Variants in RPS6KC1 observed in about 807,000 individuals in gnomAD.
RPS6KC1 encodes the protein ribosomal protein S6 kinase C1, also known as inactive ribosomal protein S6 kinase delta-1.
A neutral mutation model predicts 103.8 loss-of-function variants in RPS6KC1; 54 were observed. The ratio of observed to expected loss-of-function variants is 0.52; its 90% CI spans 0.42 to 0.65. The LOEUF (loss-of-function observed/expected upper bound fraction) is 0.65, where lower values mean the gene tolerates loss of function less well. RPS6KC1 is among the 30% of genes least tolerant of loss of function. RPS6KC1 has a pLI of 0.00. For synonymous variants in RPS6KC1, 439 were observed against 438.7 expected, an observed-to-expected ratio of 1.00 and a Z score of -0.01; for missense variants, 1,151 against 1,253.8, an observed-to-expected ratio of 0.92 and a Z score of 1.24.
At chr1:213,518,920 T>C in the RPS6KC1 span, among the ~76,000 whole-genome samples, 98,080 of 152,036 alleles carry the variant, frequency 0.65, 33,886 homozygotes, top group East Asian at 0.99. Context: ...GAGGAAGACC[T>C]GCACATCTAC....
the RPS6KC1 span, among the ~76,000 whole-genome samples, chr1:213,743,408 G>C: frequency 6.6e-6 from 1 of 151,920 alleles, no homozygotes; most frequent in Non-Finnish European, 1.5e-5. Flanking sequence ...AGAGAGGAAT[G>C]GGTGGAAAAA....
the RPS6KC1 span, among the ~76,000 whole-genome samples, chr1:213,813,302 T>A: frequency 2.6e-5 from 4 of 151,788 alleles, 1 homozygote; most frequent in South Asian, 8.4e-4. Flanking sequence ...TGAAGATGTC[T>A]TAAAGTGCAA....
the RPS6KC1 span, among the ~76,000 whole-genome samples, chr1:213,514,242 T>A: frequency 2.0e-5 from 3 of 152,290 alleles, no homozygotes; most frequent in Middle Eastern, 6.8e-3. Flanking sequence ...ATATTTTTTT[T>A]ATTATACTTT....
At chr1:213,354,880 T>G in the RPS6KC1 span, among the ~76,000 whole-genome samples, 2 of 152,160 alleles carry the variant, frequency 1.3e-5, no homozygotes, top group Non-Finnish European at 2.9e-5. Flanking sequence ...AACATGAATT[T>G]TGGAGGGGAA....
chr1:213,695,786 G>A, the RPS6KC1 span, among the ~76,000 whole-genome samples: 14 of 152,212 alleles, frequency 9.2e-5, no homozygotes, highest in Admixed American at 2.0e-4. Context: ...AAAGATATTC[G>A]TATTATTTCT....
At chr1:213,607,666 T>C in the RPS6KC1 span, among the ~76,000 whole-genome samples, 2 of 147,894 alleles carry the variant, frequency 1.4e-5, no homozygotes, top group African/African-American at 2.5e-5. Flanking sequence ...GGCAGTGTTT[T>C]TAAAACAGTG....
At chr1:213,331,542 G>T in the RPS6KC1 span, among the ~76,000 whole-genome samples, 1 of 152,242 alleles carries the variant, frequency 6.6e-6, no homozygotes, top group African/African-American at 2.4e-5. Context: ...CATGTGGAGA[G>T]CATCTGTAAG....
At chr1:213,428,571 TCTCCCTCC>T in the RPS6KC1 span, 4 of 97,442 alleles carry the variant, frequency 4.1e-5, no homozygotes, top group African/African-American at 1.6e-4. Flanking sequence ...TCGCTCTTTA[TCTCCCTCC>T]CTCCCTCCCT....
At chr1:213,411,986 T>A in the RPS6KC1 span, among the ~76,000 whole-genome samples, 2 of 152,172 alleles carry the variant, frequency 1.3e-5, no homozygotes, top group Non-Finnish European at 2.9e-5. Flanking sequence ...TCCCTGCATA[T>A]TTTGTGGGTG....
At chr1:213,669,948 C>T in the RPS6KC1 span, among the ~76,000 whole-genome samples, 1 of 152,160 alleles carries the variant, frequency 6.6e-6, no homozygotes, top group South Asian at 2.1e-4. Flanking sequence ...GTCTTCCAGC[C>T]TCACCTAGGG....
intron 8 of RPS6KC1, among the ~76,000 whole-genome samples, chr1:213,180,098 A>G (rs1428152165): frequency 6.6e-6 from 1 of 152,180 alleles, no homozygotes; most frequent in Non-Finnish European, 1.5e-5. Flanking sequence ...ATCCCTCATT[A>G]ACATAGATAT....
At chr1:213,400,731 G>A in the RPS6KC1 span, among the ~76,000 whole-genome samples, 1 of 150,262 alleles carries the variant, frequency 6.7e-6, no homozygotes, top group African/African-American at 2.5e-5. Context: ...TTTTGAGACA[G>A]AGTCTCGCTC....
At chr1:213,653,555 C>T in the RPS6KC1 span, among the ~76,000 whole-genome samples, 1 of 152,060 alleles carries the variant, frequency 6.6e-6, no homozygotes, top group Non-Finnish European at 1.5e-5. Flanking sequence ...CATTTGTTGA[C>T]ATTTAAATTT....
the RPS6KC1 span, among the ~76,000 whole-genome samples, chr1:213,442,761 C>T: frequency 6.6e-6 from 1 of 152,184 alleles, no homozygotes; most frequent in African/African-American, 2.4e-5. Context: ...CATCTCTTTT[C>T]TCGGGAACTG....
chr1:213,270,826 A>G (rs749224853), intron 14 of RPS6KC1, among the ~76,000 whole-genome samples: 2 of 152,242 alleles, frequency 1.3e-5, no homozygotes, highest in African/African-American at 4.8e-5. Context: ...GCTAACGAGC[A>G]CATGAAAAGA....
chr1:213,097,285 C>T (rs908237637), intron 3 of RPS6KC1, among the ~76,000 whole-genome samples: 6 of 152,150 alleles, frequency 3.9e-5, no homozygotes, highest in Admixed American at 6.5e-5. Flanking sequence ...ACCTGGTAGG[C>T]GGAGGCTGCA....
Position 213,156,661 on chromosome 1 carries a change from G to GT in RPS6KC1, c.836-11196dup, listed in dbSNP as rs548791380. Among the ~76,000 whole-genome samples, 332 of 152,304 alleles carry GT rather than the reference G, an allele frequency of 2.2e-3. 2 individuals are homozygous for GT. The highest frequency in any genetic ancestry group is 0.016 in the South Asian group (78 of 4,832). On this transcript the variant is annotated intron_variant, in intron 6 of 14. Coordinates refer to ENST00000366960, the MANE Select transcript of RPS6KC1 (RefSeq NM_012424.6). The stretch of plus-strand genomic sequence containing the variant: ...CATCAGATTTCGTGTTGAAAACAAT[G>GT]TAAGAGAGATGACAATTGATGAATA...
chr1:213,523,814 CAG>C, the RPS6KC1 span, among the ~76,000 whole-genome samples: 2 of 152,150 alleles, frequency 1.3e-5, no homozygotes, highest in African/African-American at 4.8e-5. Flanking sequence ...CCGATCTAAT[CAG>C]GGGATTGGAA....
the RPS6KC1 span, among the ~76,000 whole-genome samples, chr1:213,800,346 G>A: frequency 1.1e-3 from 174 of 152,260 alleles, no homozygotes; most frequent in Admixed American, 1.6e-3. Context: ...GCTTGCTTCC[G>A]TGTTCCCTTC....
Sources: gnomAD v4.1 joint callset for allele counts (sites outside exome capture counted in the v4.1 genomes callset) on GRCh38, gnomAD v4.1.1 for gene constraint, MANE v1.5 for transcripts, NCBI Gene and HGNC (gene_info 2026-07-23, HGNC 2026-07-21) for gene names.